COL24A1: variants seen among roughly 807,000 people sequenced by gnomAD.
The protein encoded by COL24A1 is collagen type XXIV alpha 1 chain, also known as collagen alpha-1(XXIV) chain.
In COL24A1, 224 loss-of-function variants were observed where a neutral mutation model predicts 253.9. The ratio of observed to expected loss-of-function variants is 0.88; its 90% CI spans 0.79 to 0.99. COL24A1 has a LOEUF of 0.99. Among genes scored for constraint, COL24A1 ranks in the 50% least tolerant of loss-of-function variants. The probability of loss-of-function intolerance (pLI) is 0.00; values close to 1 mark genes in which losing one functional copy is unlikely to be tolerated. For synonymous variants in COL24A1, 685 were observed against 673.7 expected (o/e 1.02, Z -0.26); for missense variants, 2,131 against 2,068.5 (o/e 1.03, Z -0.59).
chr1:85,839,603 G>A (rs1676385346), intron 42 of COL24A1, among the ~76,000 whole-genome samples: 4 of 151,942 alleles, frequency 2.6e-5, no homozygotes, highest in Admixed American at 1.3e-4. Flanking sequence ...TGGCCCTGGT[G>A]GCACGAGCCT....
intron 43 of COL24A1, among the ~76,000 whole-genome samples, chr1:85,830,241 CA>C (rs1327523036): frequency 6.6e-6 from 1 of 152,106 alleles, no homozygotes; most frequent in African/African-American, 2.4e-5. Context: ...GCTCGGGGGT[CA>C]GGGGTCAGGG....
In COL24A1 at chr1:86,146,942, C is replaced by T. The variant is rs1002782501; in HGVS notation, c.57-759G>A. ...ATTCTTCATAATTGGCTGTATCTAC[C>T]TCCAAAATGAAAATTACAGAAATAA... On this transcript the variant is annotated intron_variant, in intron 1 of 59. Coordinates refer to ENST00000370571, the MANE Select transcript of COL24A1 (RefSeq NM_152890.7). Among the ~76,000 whole-genome samples, 4 of 152,104 alleles carry T rather than the reference C, an allele frequency of 2.6e-5. 1 individual carries two copies. The highest frequency in any genetic ancestry group is 2.6e-4 in the Admixed American group (4 of 15,268).
chr1:85,846,747 C>T (rs1017138858), intron 39 of COL24A1, among the ~76,000 whole-genome samples: 18 of 151,830 alleles, frequency 1.2e-4, no homozygotes, highest in Admixed American at 4.6e-4. Flanking sequence ...AGGTTGGGAA[C>T]GTGTCAAATT....
intron 43 of COL24A1, among the ~76,000 whole-genome samples, chr1:85,837,492 A>C (rs1446867349): frequency 6.6e-6 from 1 of 152,198 alleles, no homozygotes; most frequent in African/African-American, 2.4e-5. Flanking sequence ...GAGATGTATC[A>C]GATTAATTAA....
At chr1:86,047,602 G>GTA (rs1284621071) in intron 11 of COL24A1, among the ~76,000 whole-genome samples, 2 of 151,816 alleles carry the variant, frequency 1.3e-5, no homozygotes, top group East Asian at 1.9e-4. Flanking sequence ...GTTAATTCAT[G>GTA]TATATATACA....
At chr1:85,747,240 A>G (rs185894808) in intron 55 of COL24A1, among the ~76,000 whole-genome samples, 271 of 151,228 alleles carry the variant, frequency 1.8e-3, no homozygotes, top group Non-Finnish European at 3.1e-3. Flanking sequence ...CAGCCTCCCA[A>G]GTAGCTGTGA....
chr1:85,835,337 G>A (rs915116280), intron 43 of COL24A1, among the ~76,000 whole-genome samples: 2 of 152,046 alleles, frequency 1.3e-5, no homozygotes, highest in Non-Finnish European at 2.9e-5. Flanking sequence ...TCACTATGTT[G>A]GGCAGGATGG....
At chr1:86,034,042 A>C in intron 12 of COL24A1, 119 bp from the exon 13 acceptor site, 1 of 667,174 alleles carries the variant, frequency 1.5e-6, no homozygotes, top group Non-Finnish European at 2.4e-6. Flanking sequence ...ACTGTAATGC[A>C]ACAAACATTC....
At chr1:85,813,226 T>G (rs912137627) in intron 47 of COL24A1, among the ~76,000 whole-genome samples, 2 of 151,832 alleles carry the variant, frequency 1.3e-5, no homozygotes, top group African/African-American at 2.4e-5. Flanking sequence ...AGCATACAGA[T>G]AAGAATATAC....
intron 2 of COL24A1, among the ~76,000 whole-genome samples, chr1:86,141,065 C>T (rs1650997615): frequency 6.6e-6 from 1 of 151,988 alleles, no homozygotes; most frequent in African/African-American, 2.4e-5. Context: ...TTTAGAACTA[C>T]AGGGAAAAAG....
intron 14 of COL24A1, among the ~76,000 whole-genome samples, chr1:86,028,135 C>T (rs568703493): frequency 1.6e-4 from 25 of 152,162 alleles, no homozygotes; most frequent in Non-Finnish European, 2.6e-4. Flanking sequence ...TTCAATTTTA[C>T]AGGTTCATAG....
At chr1:85,996,522 G>C (rs1222992379) in intron 19 of COL24A1, among the ~76,000 whole-genome samples, 1 of 86,010 alleles carries the variant, frequency 1.2e-5, no homozygotes, top group Non-Finnish European at 2.6e-5. Context: ...TGAAATCCCA[G>C]CTACTAGGGA....
At chr1:85,775,358 G>A (rs1459374997) in intron 53 of COL24A1, among the ~76,000 whole-genome samples, 1 of 152,146 alleles carries the variant, frequency 6.6e-6, no homozygotes, top group Non-Finnish European at 1.5e-5. Flanking sequence ...TTGATTTGGG[G>A]TGGAGAGTTC....
At chr1:85,973,907 A>C (rs1349540862) in intron 20 of COL24A1, among the ~76,000 whole-genome samples, 2 of 152,180 alleles carry the variant, frequency 1.3e-5, no homozygotes, top group Non-Finnish European at 2.9e-5. Flanking sequence ...TAAAATATGC[A>C]AGGCATTTAC....
Position 85,868,633 on chromosome 1 carries a change from T to C in COL24A1, c.3193-7A>G, listed in dbSNP as rs17411495. ...CCCTTCCTCCTGGTACTCCCTGTAA[T>C]GCAATAAAAAAGTTTTCTATAAAGG... On this transcript the variant is annotated splice_region_variant and splice_polypyrimidine_tract_variant and intron_variant, in intron 36 of 59. Coordinates refer to ENST00000370571, the MANE Select transcript of COL24A1 (RefSeq NM_152890.7). 706,991 of 1,610,126 alleles carry C rather than the reference T, an allele frequency of 0.44. 157,828 individuals are homozygous for C. The highest frequency in any genetic ancestry group is 0.57 in the South Asian group (52,229 of 90,924).
rs771738835 is a variant in COL24A1 at position 86,048,063 on chromosome 1, T to C, written c.1906-1194A>G. ...TAAGACTTTATGTATATTTACATAA[T>C]ACAAACAATCTTTTTTAAAAAAATA... On this transcript the variant is annotated intron_variant, in intron 11 of 59. Transcript: ENST00000370571. Among the ~76,000 whole-genome samples the C allele has an allele frequency of 7.2e-5, 11 of 152,312 alleles. No homozygotes were observed. The South Asian group carries it at 1.9e-3, about 26-fold the overall frequency.
chr1:85,755,551 G>C (rs1204471521), intron 55 of COL24A1, among the ~76,000 whole-genome samples: 1 of 151,866 alleles, frequency 6.6e-6, no homozygotes, highest in Non-Finnish European at 1.5e-5. Context: ...AAATATAATA[G>C]AGAGTCCAGA....
chr1:85,871,506 G>A (rs1043942605), intron 35 of COL24A1, among the ~76,000 whole-genome samples: 61 of 152,302 alleles, frequency 4.0e-4, no homozygotes, highest in African/African-American at 1.4e-3. Context: ...CCATGATCAA[G>A]TGGGCTTCAT....
intron 59 of COL24A1, among the ~76,000 whole-genome samples, chr1:85,733,238 T>A (rs190962485): frequency 6.6e-6 from 1 of 152,228 alleles, no homozygotes; most frequent in African/African-American, 2.4e-5. Context: ...TACACAAAGA[T>A]AGGAAATGAA....
Sources: gnomAD v4.1 joint callset for allele counts (sites outside exome capture counted in the v4.1 genomes callset) on GRCh38, gnomAD v4.1.1 for gene constraint, MANE v1.5 for transcripts, NCBI Gene and HGNC (gene_info 2026-07-23, HGNC 2026-07-21) for gene names.